The following ATP1B3 variants were observed in gnomAD, a reference collection of about 807,000 sequenced individuals.
The protein encoded by ATP1B3 is sodium/potassium-transporting ATPase subunit beta-3.
ATP1B3 carries 10 observed loss-of-function variants against 30.2 expected under a neutral mutation model. The ratio of observed to expected loss-of-function variants is 0.33; its 90% CI spans 0.20 to 0.56. ATP1B3 has a LOEUF of 0.56. Among genes scored for constraint, ATP1B3 ranks in the 20% least tolerant of loss-of-function variants. ATP1B3 has a pLI of 0.90. For missense variants in ATP1B3, 238 were observed against 336.7 expected (o/e 0.71, Z 2.29); for synonymous variants, 113 against 117.0 (o/e 0.97, Z 0.22).
Position 141,922,428 on chromosome 3 carries a change from G to A in ATP1B3, c.669+365G>A, listed in dbSNP as rs1157670597. ...AGCACTTTGAGAGGCCAAGGCGGGC[G>A]CATTACCTGAGGTCAGGAGTTTGAG... On this transcript the variant is annotated intron_variant, in intron 6 of 6. Coordinates refer to ENST00000286371, the MANE Select transcript of ATP1B3 (RefSeq NM_001679.4). Among the ~76,000 whole-genome samples, 10 of 150,194 alleles carry A rather than the reference G, an allele frequency of 6.7e-5. No homozygotes were observed. The East Asian group carries it at 1.2e-3, about 18-fold the overall frequency.
chr3:141,894,647 C>A (rs1299136450), intron 1 of ATP1B3, among the ~76,000 whole-genome samples: 1 of 152,146 alleles, frequency 6.6e-6, no homozygotes, highest in Non-Finnish European at 1.5e-5. Context: ...GAGTCAGAAT[C>A]ATCAGTATCA....
intron 2 of ATP1B3, among the ~76,000 whole-genome samples, chr3:141,906,556 G>A (rs899003463): frequency 9.2e-5 from 14 of 152,188 alleles, no homozygotes; most frequent in Admixed American, 5.2e-4. Context: ...TCATTAGTAA[G>A]CTTAAGCAAC....
chr3:141,889,768 C>T (rs564499091), intron 1 of ATP1B3, among the ~76,000 whole-genome samples: 18,531 of 119,618 alleles, frequency 0.15, 2,615 homozygotes, highest in African/African-American at 0.22. Context: ...CACACACACA[C>T]ACACACACAC....
chr3:141,894,623 C>T (rs1211965333), intron 1 of ATP1B3, among the ~76,000 whole-genome samples: 2 of 151,936 alleles, frequency 1.3e-5, no homozygotes, highest in African/African-American at 4.8e-5. Context: ...TGCACATTAG[C>T]CTAGACCTAC....
At chr3:141,916,111 C>A in intron 5 of ATP1B3, 91 bp downstream of exon 5, 2 of 1,195,946 alleles carry the variant, frequency 1.7e-6, no homozygotes, top group South Asian at 1.5e-5. Context: ...TTTTTTCTTC[C>A]CTGTCACATT....
At chr3:141,901,309 G>A (rs768695924) in intron 1 of ATP1B3, among the ~76,000 whole-genome samples, 5 of 152,156 alleles carry the variant, frequency 3.3e-5, no homozygotes, top group Non-Finnish European at 5.9e-5. Context: ...CTACATCTGA[G>A]TAACTAATTT....
In ATP1B3 at chr3:141,877,961, C is replaced by A. The variant is rs543406288; in HGVS notation, c.109+1051C>A. On this transcript the variant is annotated intron_variant, in intron 1 of 6. Transcript: ENST00000286371. ...GGGAATAAATCTCGAGAGCTTAGAA[C>A]TATTTGGGCACAACATTTTTAGGAT... Among the ~76,000 whole-genome samples the A allele has an allele frequency of 1.7e-3, 265 of 151,902 alleles. 1 individual carries two copies. Among genetic ancestry groups the A allele is most frequent in the African/African-American group, 6.1e-3 (252 of 41,430 alleles).
chr3:141,906,781 C>G (rs997552987), intron 2 of ATP1B3, among the ~76,000 whole-genome samples: 1 of 152,158 alleles, frequency 6.6e-6, no homozygotes, highest in Non-Finnish European at 1.5e-5. Context: ...GACAAAAGTA[C>G]GTAGGCTTTG....
intron 3 of ATP1B3, among the ~76,000 whole-genome samples, chr3:141,910,782 C>T (rs987327641): frequency 2.0e-5 from 3 of 147,812 alleles, no homozygotes; most frequent in Admixed American, 6.7e-5. Flanking sequence ...CCTGCCCCCC[C>T]CTTTTTTTTA....
In ATP1B3 at chr3:141,913,508, CTT is replaced by C. The variant is rs1317906752; in HGVS notation, c.347-143_347-142del. 4 of 661,794 alleles carry C rather than the reference CTT, an allele frequency of 6.0e-6. No homozygotes were observed. The South Asian group carries it at 7.5e-5, about 12-fold the overall frequency. 41.0% of individuals were successfully genotyped at this position (661,794 alleles called of 1,614,324 possible). A position where few individuals can be genotyped will look rare whatever the true frequency, so the allele number is the denominator to read the frequency against. On this transcript the variant is annotated intron_variant, in intron 3 of 6. Transcript: ENST00000286371. ...AGCTGTTAAAAGGTAAAGGGGCAAACTTAACATTCTTTCCCTAAAGTTATCTG... is the reference window on the plus strand; with the variant it reads ...AGCTGTTAAAAGGTAAAGGGGCAAACAACATTCTTTCCCTAAAGTTATCTG...
chr3:141,924,744 C>T (rs546376167), intron 6 of ATP1B3, among the ~76,000 whole-genome samples: 1 of 151,948 alleles, frequency 6.6e-6, no homozygotes, highest in East Asian at 2.0e-4. Context: ...ATCACGAGGT[C>T]AGGAGATCGA....
intron 1 of ATP1B3, among the ~76,000 whole-genome samples, chr3:141,888,938 A>C (rs1239135247): frequency 1.3e-5 from 2 of 152,124 alleles, no homozygotes; most frequent in Non-Finnish European, 2.9e-5. Context: ...GTCTCTGATA[A>C]GTCTTTATTA....
intron 1 of ATP1B3, among the ~76,000 whole-genome samples, chr3:141,899,061 C>T (rs978760260): frequency 6.6e-6 from 1 of 152,004 alleles, no homozygotes; most frequent in Non-Finnish European, 1.5e-5. Flanking sequence ...CTAGTGATTG[C>T]CAGGAACTGG....
chr3:141,920,145 C>T (rs889253280), intron 5 of ATP1B3, among the ~76,000 whole-genome samples: 5 of 152,116 alleles, frequency 3.3e-5, no homozygotes, highest in Admixed American at 6.6e-5. Context: ...GAGCGTCTGC[C>T]ACACCTGATG....
At chr3:141,901,252 A>G (rs1298609832) in intron 1 of ATP1B3, among the ~76,000 whole-genome samples, 3 of 152,238 alleles carry the variant, frequency 2.0e-5, no homozygotes, top group Non-Finnish European at 4.4e-5. Flanking sequence ...CATGAACACT[A>G]TCCATGACTA....
At chr3:141,892,770 G>C (rs1258354025) in intron 1 of ATP1B3, among the ~76,000 whole-genome samples, 2 of 151,640 alleles carry the variant, frequency 1.3e-5, no homozygotes, top group African/African-American at 4.8e-5. Context: ...AGGGTGTGTA[G>C]ATTGCAAAGG....
At chr3:141,923,811 T>G (rs1239285731) in intron 6 of ATP1B3, among the ~76,000 whole-genome samples, 1 of 152,194 alleles carries the variant, frequency 6.6e-6, no homozygotes, top group Non-Finnish European at 1.5e-5. Flanking sequence ...TATGGCTTAT[T>G]TTATGTTCAT....
intron 5 of ATP1B3, among the ~76,000 whole-genome samples, chr3:141,917,099 C>T (rs1934478194): frequency 6.6e-6 from 1 of 150,908 alleles, no homozygotes; most frequent in Non-Finnish European, 1.5e-5. Flanking sequence ...GTGATCTGCC[C>T]GCCTCGGCCT....
Position 141,925,716 on chromosome 3 carries a change from C to A in ATP1B3, c.*15C>A. 6.2e-7 allele frequency: 1 copy of A among 1,604,486 alleles called. No individual in the cohort carries two copies. The highest frequency in any genetic ancestry group is 8.5e-7 in the Non-Finnish European group (1 of 1,176,322). On this transcript the variant is annotated 3_prime_UTR_variant, in exon 7 of 7. Transcript: ENST00000286371. ...CACGTGCATAGTATGAGTAGGATAT[C>A]TCCACAGAGTAAATGTTGTGTTGTC...
Sources: gnomAD v4.1 joint callset for allele counts (sites outside exome capture counted in the v4.1 genomes callset) on GRCh38, gnomAD v4.1.1 for gene constraint, MANE v1.5 for transcripts, NCBI Gene and HGNC (gene_info 2026-07-23, HGNC 2026-07-21) for gene names.